Variants in ITGA4 observed in about 807,000 individuals in gnomAD.
ITGA4 encodes integrin subunit alpha 4.
A neutral mutation model predicts 133.6 loss-of-function variants in ITGA4; 63 were observed. That is an observed-to-expected ratio of 0.47 (90% CI 0.38 to 0.58). The LOEUF is 0.58. ITGA4 is among the 20% of genes least tolerant of loss of function. The pLI, the probability that ITGA4 is intolerant of heterozygous loss-of-function variation, is 0.00. For synonymous variants in ITGA4, 483 were observed against 438.0 expected, an observed-to-expected ratio of 1.10 and a Z score of -1.28; for missense variants, 1,076 against 1,252.7, an observed-to-expected ratio of 0.86 and a Z score of 2.13.
intron 11 of ITGA4, 113 bp downstream of exon 11, chr2:181,493,532 C>T (rs1178711521): frequency 3.5e-6 from 2 of 565,078 alleles, no homozygotes; most frequent in African/African-American, 3.9e-5. Context: ...ATACTTAACA[C>T]TTTATTTCAC....
intron 25 of ITGA4, among the ~76,000 whole-genome samples, chr2:181,532,984 A>G (rs1686975331): frequency 6.6e-6 from 1 of 152,196 alleles, no homozygotes; most frequent in South Asian, 2.1e-4. Flanking sequence ...TTATTTTAAA[A>G]ATATAGCTAA....
At chr2:181,464,631 A>G (rs1294239072) in intron 2 of ITGA4, among the ~76,000 whole-genome samples, 1 of 152,152 alleles carries the variant, frequency 6.6e-6, no homozygotes, top group African/African-American at 2.4e-5. Context: ...GAGCACATGT[A>G]AGGGCTCAAT....
chr2:181,510,863 A>G (rs1226162754), intron 16 of ITGA4, among the ~76,000 whole-genome samples: 1 of 152,060 alleles, frequency 6.6e-6, no homozygotes, highest in East Asian at 1.9e-4. Context: ...TGGTAGTTAT[A>G]TTAATTTATA....
chr2:181,524,134 T>G (rs200679472), intron 19 of ITGA4, 37 bp from the exon 20 acceptor site: 96 of 1,362,820 alleles, frequency 7.0e-5, no homozygotes, highest in African/African-American at 1.5e-5. Flanking sequence ...GTACTTAAGA[T>G]TTTTTTTAAT....
Position 181,530,615 on chromosome 2 carries a change from T to G in ITGA4, c.2630T>G (p.Val877Gly), listed in dbSNP as rs1010184904. Residue 877 changes from valine to glycine, a missense_variant, in exon 24 of 28, where the codon GTC (valine) becomes GGC (glycine). Around this residue, in one of 4 missense-constraint regions of ITGA4, gnomAD observed 365 missense variants for 421.4 expected, o/e 0.87. Transcript: ENST00000397033. Reference protein sequence around the residue: ...KSAMQTLKGIVRFLSKTDKRL... With the variant: ...KSAMQTLKGIGRFLSKTDKRL... ...GCAATGCAGACCTTGAAAGGCATAG[T>G]CCGGTTCTTGTCCAAGACTGATAAG... is the stretch of plus-strand genomic sequence containing the variant. 3.7e-6 allele frequency: 6 copies of G among 1,613,380 alleles called. No individual in the cohort carries two copies. In the Admixed American group the frequency reaches 8.3e-5, roughly 22 times the overall value.
At chr2:181,531,805 G>A in intron 25 of ITGA4, 29 bp downstream of exon 25, 11 of 1,540,600 alleles carry the variant, frequency 7.1e-6, no homozygotes, top group South Asian at 1.3e-5. Flanking sequence ...TTGACAACTT[G>A]GTGGCTAAGT....
chr2:181,482,314 A>G (rs200530990), intron 7 of ITGA4, 46 bp from the exon 8 acceptor site: 2 of 1,529,576 alleles, frequency 1.3e-6, no homozygotes, highest in African/African-American at 1.4e-5. Flanking sequence ...GGTGTTTTAA[A>G]AAATGTTATT....
intron 23 of ITGA4, among the ~76,000 whole-genome samples, 161 bp downstream of exon 23, chr2:181,529,809 T>G (rs1208786370): frequency 6.6e-6 from 1 of 152,254 alleles, no homozygotes; most frequent in Non-Finnish European, 1.5e-5. Flanking sequence ...TATTGAGTTA[T>G]GCTTTGAATA....
intron 23 of ITGA4, 132 bp from the exon 24 acceptor site, chr2:181,530,392 A>T (rs1469332412): frequency 2.5e-6 from 2 of 798,348 alleles, no homozygotes; most frequent in Non-Finnish European, 1.9e-6. Context: ...TGTCAAAAAA[A>T]TTTCTACAAT....
intron 25 of ITGA4, among the ~76,000 whole-genome samples, chr2:181,533,379 A>G (rs1686985329): frequency 6.6e-6 from 1 of 152,260 alleles, no homozygotes; most frequent in Non-Finnish European, 1.5e-5. Flanking sequence ...TCATTGAACC[A>G]TCAGCAAGTC....
chr2:181,520,107 C>T (rs377634548), intron 17 of ITGA4, among the ~76,000 whole-genome samples: 32 of 152,110 alleles, frequency 2.1e-4, no homozygotes, highest in East Asian at 7.7e-4. Context: ...AGAGGTGCCC[C>T]GTGTGCTTTG....
At chr2:181,465,849 T>A (rs532863243) in intron 2 of ITGA4, among the ~76,000 whole-genome samples, 16 of 152,240 alleles carry the variant, frequency 1.1e-4, no homozygotes, top group African/African-American at 3.9e-4. Context: ...GGGCAAGTGC[T>A]TAGTCATCCC....
intron 2 of ITGA4, 34 bp from the exon 3 acceptor site, chr2:181,474,926 A>G (rs2305592): frequency 6.5e-7 from 1 of 1,531,988 alleles, no homozygotes; most frequent in Non-Finnish European, 9.0e-7. Context: ...AATGTTTTCA[A>G]TACAACTGAT....
chr2:181,478,775 G>A lies in ITGA4; in HGVS notation c.575G>A (p.Gly192Glu). The A allele has an allele frequency of 6.8e-7, 1 of 1,467,600 alleles. No homozygotes were observed. Among genetic ancestry groups the A allele is most frequent in the Admixed American group, 2.1e-5 (1 of 47,528 alleles). 90.9% of individuals were successfully genotyped at this position (1,467,600 alleles called of 1,614,324 possible). A position where few individuals can be genotyped will look rare whatever the true frequency, so the allele number is the denominator to read the frequency against. The change falls in exon 5 of 28, where the codon GGA becomes GAA. Residue 192 changes from glycine to glutamate, a missense_variant. Gly to Glu is a moderately conservative substitution (Grantham distance 98). Transcript: ENST00000397033. The stretch of plus-strand genomic sequence containing the variant: ...ATTTTAGATTATGTGAAAAAATTTG[G>A]AGAAAATTTTGCATCATGTCAAGCT... ...PCYQDYVKKF[G>E]ENFASCQAGI...
Position 181,482,616 on chromosome 2 carries a change from G to T in ITGA4, c.1006G>T (p.Glu336Ter). ...ACCCATGCAGAGCACCATCAGAGAG[G>T]AAGGAAGAGTGTTTGTGTACATCAA... ...GAPMQSTIRE[E>*]GRVFVYINSG... Residue 336 changes from glutamate (E) to a stop codon, truncating the protein, a stop_gained, in exon 9 of 28, where the codon GAA becomes TAA. Coordinates refer to ENST00000397033, the MANE Select transcript of ITGA4 (RefSeq NM_000885.6). LOFTEE classifies it high-confidence loss of function. 1 of 1,613,734 alleles carries T rather than the reference G, an allele frequency of 6.2e-7. No individual in the cohort carries two copies. The highest frequency in any genetic ancestry group is 8.5e-7 in the Non-Finnish European group (1 of 1,179,714).
At position 181,509,814 on chromosome 2, in the gene ITGA4, A is replaced by T. The variant is rs1462151132; in HGVS notation, c.1845+7A>T. ...AGACATAATGAAAAAAACAGTAGGAATATTTTCCTTTATTCAAATTATTGT... is the reference window on the plus strand; with the variant it reads ...AGACATAATGAAAAAAACAGTAGGATTATTTTCCTTTATTCAAATTATTGT... On this transcript the variant is annotated splice_region_variant and intron_variant, in intron 16 of 27. Transcript: ENST00000397033. The T allele has an allele frequency of 6.3e-7, 1 of 1,589,436 alleles. No homozygotes were observed. Among genetic ancestry groups the T allele is most frequent in the East Asian group, 2.2e-5 (1 of 44,518 alleles).
intron 22 of ITGA4, among the ~76,000 whole-genome samples, chr2:181,527,809 A>G (rs1349768501): frequency 1.3e-5 from 2 of 152,228 alleles, no homozygotes; most frequent in Admixed American, 6.5e-5. Flanking sequence ...CTTACCTCCC[A>G]TCTCCATTTA....
rs1000426093 is a variant in ITGA4 at position 181,516,429 on chromosome 2, T to G, written c.1922+4654T>G. On this transcript the variant is annotated intron_variant, in intron 17 of 27. Transcript: ENST00000397033. The surrounding 1 kb of genome is among the most constrained non-coding windows in gnomAD (Gnocchi z 4.0). ...AGACATTGATGGTTATCTTTCCAGCTCTCTCAGCTTTTCCTCATGATCACA... is the reference window on the plus strand; with the variant it reads ...AGACATTGATGGTTATCTTTCCAGCGCTCTCAGCTTTTCCTCATGATCACA... Among the ~76,000 whole-genome samples, 5 of 150,006 alleles carry G rather than the reference T, an allele frequency of 3.3e-5. No homozygotes were observed. The highest frequency in any genetic ancestry group is 1.3e-4 in the African/African-American group (5 of 39,540).
At chr2:181,475,722 C>CACTATCTCTTTTTCTA in intron 4 of ITGA4, 1 of 1,457,748 alleles carries the variant, frequency 6.9e-7, no homozygotes, top group Non-Finnish European at 9.2e-7. Context: ...CATTCGCACT[C>CACTATCTCTTTTTCTA]ACTATCTCTT....
Sources: gnomAD v4.1 joint callset for allele counts (sites outside exome capture counted in the v4.1 genomes callset) on GRCh38, gnomAD v4.1.1 for gene constraint, gnomAD v4.1.1 regional missense constraint, Gnocchi (gnomAD v3.1) non-coding constraint, MANE v1.5 for transcripts, NCBI Gene and HGNC (gene_info 2026-07-23, HGNC 2026-07-21) for gene names.